Variants in SOX5 observed in about 807,000 individuals in gnomAD.
The protein encoded by SOX5 is SRY-box transcription factor 5, also known as transcription factor SOX-5.
Under a neutral mutation model 92.0 loss-of-function variants are expected in SOX5, and 9 were observed. The ratio of observed to expected loss-of-function variants is 0.10; its 90% confidence interval spans 0.06 to 0.17. The LOEUF is 0.17. SOX5 is among the 10% of genes least tolerant of loss of function. The pLI, the probability that SOX5 is intolerant of heterozygous loss-of-function variation, is 1.00. For missense variants in SOX5, 642 were observed against 944.5 expected, an observed-to-expected ratio of 0.68 and a Z score of 4.20; for synonymous variants, 344 against 336.3, an observed-to-expected ratio of 1.02 and a Z score of -0.25.
At chr12:24,086,295 T>C (rs976802642) in intron 4 of SOX5, among the ~76,000 whole-genome samples, 4 of 151,952 alleles carry the variant, frequency 2.6e-5, no homozygotes, top group Non-Finnish European at 4.4e-5. Context: ...CCAGACTACA[T>C]AGACTCTCAG....
chr12:23,922,284 A>G (rs1164370605), intron 1 of SOX5, among the ~76,000 whole-genome samples: 3 of 152,230 alleles, frequency 2.0e-5, no homozygotes, highest in Non-Finnish European at 4.4e-5. Flanking sequence ...ATAGGAAAGA[A>G]CAAAATGTCT....
intron 7 of SOX5, among the ~76,000 whole-genome samples, chr12:23,663,793 T>C (rs1226261404): frequency 8.1e-6 from 1 of 123,564 alleles, no homozygotes; most frequent in African/African-American, 2.9e-5. Flanking sequence ...ATTCTATTCA[T>C]AGAATTTATT....
chr12:23,912,198 A>G (rs1279983747), intron 1 of SOX5, among the ~76,000 whole-genome samples: 1 of 152,172 alleles, frequency 6.6e-6, no homozygotes, highest in African/African-American at 2.4e-5. Flanking sequence ...GGATCTGAAT[A>G]TACATTTCTC....
chr12:23,648,290 T>C (rs919660479), intron 7 of SOX5, among the ~76,000 whole-genome samples: 5 of 152,180 alleles, frequency 3.3e-5, no homozygotes, highest in African/African-American at 7.2e-5. Flanking sequence ...TTGTAAAAAA[T>C]GCAATCTGCG....
At chr12:24,048,007 T>C (rs1957215521) in intron 4 of SOX5, among the ~76,000 whole-genome samples, 1 of 152,176 alleles carries the variant, frequency 6.6e-6, no homozygotes, top group Non-Finnish European at 1.5e-5. Context: ...GGTGAATACC[T>C]AAATCATCCC....
Position 23,536,507 on chromosome 12 carries a change from T to G in SOX5, c.1934A>C (p.Tyr645Ser). The change falls in exon 14 of 15, where the codon TAC becomes TCC. Residue 645 changes from tyrosine to serine, a missense_variant. This residue lies in a region of SOX5 where 21 missense variants were observed against 52.3 expected (regional missense o/e 0.40). Coordinates refer to ENST00000451604, the MANE Select transcript of SOX5 (RefSeq NM_006940.6). ...VDGKKLRIGE[Y>S]KAIMRNRRQE... The stretch of plus-strand genomic sequence containing the variant: ...CCGCCTGTTGCGCATGATTGCCTTG[T>G]ATTCACCAATGCGCAGCTTTTTGCC... 1 of 1,614,208 alleles carries G rather than the reference T, an allele frequency of 6.2e-7. No homozygotes were observed. The highest frequency in any genetic ancestry group is 8.5e-7 in the Non-Finnish European group (1 of 1,180,030).
intron 1 of SOX5, among the ~76,000 whole-genome samples, chr12:24,383,307 T>A (rs1368339981): frequency 3.3e-5 from 5 of 152,226 alleles, no homozygotes; most frequent in African/African-American, 1.2e-4. Flanking sequence ...ATGTAACGAT[T>A]TGTTTTTAAT....
Position 24,254,718 on chromosome 12 carries a change from A to AATATATATATATATATATATATATATAT in SOX5, c.-77+22497_-77+22498insATATATATATATATATATATATATATAT, listed in dbSNP as rs10556060. Among the ~76,000 whole-genome samples the AATATATATATATATATATATATATATAT allele has an allele frequency of 3.3e-3, 480 of 146,506 alleles. 3 individuals carry two copies. Among genetic ancestry groups the AATATATATATATATATATATATATATAT allele is most frequent in the African/African-American group, 0.011 (431 of 39,094 alleles). On this transcript the variant is annotated intron_variant, in intron 3 of 4. Coordinates refer to the SOX5 transcript ENST00000446891. ...TATTCTTTTTTCTTTGGGCTGCTCA[A>AATATATATATATATATATATATATATAT]ATATATATATATATATATATTTCCT...
chr12:23,969,997 C>T (rs11047179), intron 4 of SOX5, among the ~76,000 whole-genome samples: 6,064 of 152,252 alleles, frequency 0.04, 573 homozygotes, highest in East Asian at 0.39. Context: ...CCAACTGTCC[C>T]CTGCCCCAGC....
At chr12:24,133,809 A>T (rs1019960619) in intron 4 of SOX5, among the ~76,000 whole-genome samples, 1 of 152,188 alleles carries the variant, frequency 6.6e-6, no homozygotes, top group African/African-American at 2.4e-5. Flanking sequence ...TTTATAACCC[A>T]ATTAAAAAGA....
At chr12:24,175,280 A>T (rs1416762115) in intron 4 of SOX5, among the ~76,000 whole-genome samples, 1 of 152,244 alleles carries the variant, frequency 6.6e-6, no homozygotes, top group Non-Finnish European at 1.5e-5. Flanking sequence ...AACTATAAGG[A>T]TTGTGTAATA....
chr12:24,034,706 A>G (rs1955851011), intron 4 of SOX5, among the ~76,000 whole-genome samples: 1 of 152,024 alleles, frequency 6.6e-6, no homozygotes, highest in African/African-American at 2.4e-5. Context: ...GAATTGTTAA[A>G]TAGATGCTAT....
intron 4 of SOX5, among the ~76,000 whole-genome samples, chr12:24,075,277 TAAAAAAAA>T (rs59967372): frequency 2.6e-5 from 2 of 75,790 alleles, no homozygotes; most frequent in East Asian, 4.3e-4. Flanking sequence ...CTCAAATTAT[TAAAAAAAA>T]AAAAAAAAAA....
intron 3 of SOX5, among the ~76,000 whole-genome samples, chr12:23,797,466 AAGAC>A (rs1385840354): frequency 6.6e-6 from 1 of 151,992 alleles, no homozygotes; most frequent in African/African-American, 2.4e-5. Context: ...ATAATCCTGA[AAGAC>A]AGACTTCAAA....
At chr12:23,860,132 C>T (rs1031017421) in intron 2 of SOX5, among the ~76,000 whole-genome samples, 1 of 151,898 alleles carries the variant, frequency 6.6e-6, no homozygotes. Context: ...ACAACAGACA[C>T]TGAGGTCTTC....
intron 4 of SOX5, among the ~76,000 whole-genome samples, chr12:24,088,542 A>G (rs1471384238): frequency 6.6e-6 from 1 of 151,940 alleles, no homozygotes; most frequent in Non-Finnish European, 1.5e-5. Context: ...TATGAATTTG[A>G]TAACTTGAAT....
chr12:24,075,057 T>G (rs1569534308), intron 4 of SOX5, among the ~76,000 whole-genome samples: 1 of 151,556 alleles, frequency 6.6e-6, no homozygotes, highest in Non-Finnish European at 1.5e-5. Context: ...AGCTCAGAAA[T>G]TCAAGACCAG....
chr12:23,973,160 C>CTTTTT (rs60609193), intron 4 of SOX5, among the ~76,000 whole-genome samples: 2 of 111,998 alleles, frequency 1.8e-5, no homozygotes, highest in African/African-American at 6.7e-5. Context: ...TAACTTTTTT[C>CTTTTT]TTTTTTTTTT....
At chr12:24,503,250 A>T (rs1385875961) in intron 1 of SOX5, among the ~76,000 whole-genome samples, 1 of 152,204 alleles carries the variant, frequency 6.6e-6, no homozygotes, top group African/African-American at 2.4e-5. Flanking sequence ...ACATTTTTTT[A>T]GCCAGGCATC....
Sources: gnomAD v4.1 joint callset for allele counts (sites outside exome capture counted in the v4.1 genomes callset) on GRCh38, gnomAD v4.1.1 for gene constraint, gnomAD v4.1.1 regional missense constraint, MANE v1.5 for transcripts, NCBI Gene and HGNC (gene_info 2026-07-23, HGNC 2026-07-21) for gene names.